Variants in HSF5 observed in about 807,000 individuals in gnomAD.
The protein encoded by HSF5 is heat shock transcription factor 5, also known as heat shock factor protein 5.
Under a neutral mutation model 50.8 loss-of-function variants are expected in HSF5, and 5 were observed. That is an observed-to-expected ratio of 0.10 (90% CI 0.05 to 0.21). The LOEUF (loss-of-function observed/expected upper bound fraction) is 0.21. Ranked by LOEUF, HSF5 falls within the 10% of genes least tolerant of loss-of-function variation. The pLI, the probability that HSF5 is intolerant of heterozygous loss-of-function variation, is 1.00. For synonymous variants in HSF5, 307 were observed against 307.4 expected, an observed-to-expected ratio of 1.00 and a Z score of 0.02; for missense variants, 564 against 762.6, an observed-to-expected ratio of 0.74 and a Z score of 3.07.
At chr17:58,434,932 C>T (rs1309970862) in intron 5 of HSF5, among the ~76,000 whole-genome samples, 1 of 152,178 alleles carries the variant, frequency 6.6e-6, no homozygotes, top group Non-Finnish European at 1.5e-5. Flanking sequence ...TCTGTGAGTA[C>T]ACCAAAGGGG....
At chr17:58,464,664 C>G (rs914179393) in intron 3 of HSF5, among the ~76,000 whole-genome samples, 1 of 152,138 alleles carries the variant, frequency 6.6e-6, no homozygotes, top group Non-Finnish European at 1.5e-5. Flanking sequence ...CAGAGTTTCA[C>G]TTTTGTCACC....
intron 5 of HSF5, among the ~76,000 whole-genome samples, chr17:58,424,537 G>C (rs1011855398): frequency 1.3e-5 from 2 of 151,750 alleles, no homozygotes. Flanking sequence ...GTTTGAACCC[G>C]GGAGATGGAG....
At chr17:58,457,583 G>A (rs765944716) in intron 5 of HSF5, among the ~76,000 whole-genome samples, 2 of 152,180 alleles carry the variant, frequency 1.3e-5, no homozygotes, top group Non-Finnish European at 2.9e-5. Flanking sequence ...GGGCAACAGA[G>A]AAAGACTCTG....
chr17:58,479,085 T>C (rs1975065313), intron 2 of HSF5, among the ~76,000 whole-genome samples: 1 of 151,958 alleles, frequency 6.6e-6, no homozygotes, highest in Non-Finnish European at 1.5e-5. Context: ...TGCCTAGGAA[T>C]AACACTGCGG....
chr17:58,462,712 C>G, intron 4 of HSF5, 70 bp downstream of exon 4: 3 of 1,409,646 alleles, frequency 2.1e-6, no homozygotes, highest in Non-Finnish European at 1.9e-6. Flanking sequence ...AAACTCTCCA[C>G]TAGAATAGTC....
intron 5 of HSF5, among the ~76,000 whole-genome samples, chr17:58,455,413 C>G (rs769867449): frequency 1.3e-5 from 2 of 152,050 alleles, no homozygotes; most frequent in African/African-American, 2.4e-5. Context: ...TGAAAATGGA[C>G]TGGGCGAGGA....
intron 2 of HSF5, among the ~76,000 whole-genome samples, chr17:58,471,753 A>G (rs2143794639): frequency 6.6e-6 from 1 of 150,772 alleles, no homozygotes; most frequent in South Asian, 2.1e-4. Flanking sequence ...GCCTGGCCAG[A>G]TATATATTTT....
At chr17:58,463,785 A>G (rs187264367) in intron 3 of HSF5, among the ~76,000 whole-genome samples, 161 of 152,320 alleles carry the variant, frequency 1.1e-3, no homozygotes, top group African/African-American at 3.8e-3. Context: ...TAATATGGGG[A>G]AAAATGGATG....
At position 58,436,498 on chromosome 17, in the gene HSF5, A is replaced by G. The variant is rs117075000; in HGVS notation, c.1721-14068T>C. Among the ~76,000 whole-genome samples, 827 of 152,246 alleles carry G rather than the reference A, an allele frequency of 5.4e-3. 4 individuals are homozygous for G. Among genetic ancestry groups the G allele is most frequent in the South Asian group, 0.019 (94 of 4,824 alleles). On this transcript the variant is annotated intron_variant, in intron 5 of 5. Coordinates refer to ENST00000323777, the MANE Select transcript of HSF5 (RefSeq NM_001080439.3). ...AGGAAGCCAACATCAATTAAGACTC[A>G]TCTATTAACTGCACTGACCAAAGGA...
intron 2 of HSF5, chr17:58,476,899 G>T: frequency 9.5e-7 from 1 of 1,056,014 alleles, no homozygotes; most frequent in Non-Finnish European, 1.4e-6. Flanking sequence ...CGTCGGCCCT[G>T]TAGTGGTTGG....
intron 5 of HSF5, among the ~76,000 whole-genome samples, chr17:58,437,247 G>A (rs1038129432): frequency 6.6e-6 from 1 of 152,056 alleles, no homozygotes; most frequent in African/African-American, 2.4e-5. Context: ...TCTTAGAAAG[G>A]CATTCTTGGT....
intron 5 of HSF5, among the ~76,000 whole-genome samples, chr17:58,450,491 C>T (rs189434000): frequency 6.6e-6 from 1 of 152,062 alleles, no homozygotes; most frequent in East Asian, 1.9e-4. Flanking sequence ...CAATGGCTCA[C>T]GTCTGTAATC....
At chr17:58,448,662 A>G (rs1049915175) in intron 5 of HSF5, among the ~76,000 whole-genome samples, 2 of 152,220 alleles carry the variant, frequency 1.3e-5, no homozygotes, top group Non-Finnish European at 2.9e-5. Flanking sequence ...TGAAGGAGAG[A>G]TAAAGATTTT....
intron 5 of HSF5, among the ~76,000 whole-genome samples, chr17:58,447,759 C>T (rs1974579850): frequency 6.6e-6 from 1 of 152,160 alleles, no homozygotes; most frequent in African/African-American, 2.4e-5. Context: ...CTGGAAGGCC[C>T]TCTGAAGGAG....
intron 5 of HSF5, among the ~76,000 whole-genome samples, chr17:58,422,686 T>C (rs1211861450): frequency 1.4e-5 from 2 of 146,002 alleles, no homozygotes; most frequent in Non-Finnish European, 3.0e-5. Context: ...TCTTTTCACC[T>C]CAGTTGCCTT....
intron 4 of HSF5, 71 bp from the exon 5 acceptor site, chr17:58,459,016 A>C (rs1424885845): frequency 1.5e-6 from 2 of 1,366,398 alleles, no homozygotes; most frequent in African/African-American, 2.9e-5. Context: ...ATATTTTATC[A>C]GAGGAGTTCT....
At chr17:58,441,699 C>G (rs529956024) in intron 5 of HSF5, among the ~76,000 whole-genome samples, 308 of 152,252 alleles carry the variant, frequency 2.0e-3, no homozygotes, top group Non-Finnish European at 3.3e-3. Context: ...GAAGGGAACG[C>G]CAGAGGTGAT....
chr17:58,469,418 C>T (rs865862730), intron 2 of HSF5, among the ~76,000 whole-genome samples: 13 of 151,898 alleles, frequency 8.6e-5, no homozygotes, highest in South Asian at 2.1e-4. Context: ...CAGGAAACAG[C>T]GAAAAAGTAA....
At chr17:58,436,943 T>C (rs566039378) in intron 5 of HSF5, among the ~76,000 whole-genome samples, 2 of 152,278 alleles carry the variant, frequency 1.3e-5, no homozygotes, top group South Asian at 4.1e-4. Context: ...CAAGGAAAGA[T>C]GCCGTAAAGT....
Sources: gnomAD v4.1 joint callset for allele counts (sites outside exome capture counted in the v4.1 genomes callset) on GRCh38, gnomAD v4.1.1 for gene constraint, MANE v1.5 for transcripts, NCBI Gene and HGNC (gene_info 2026-07-23, HGNC 2026-07-21) for gene names.